Variants in ADAMTS16 observed in about 807,000 individuals in gnomAD.
The protein encoded by ADAMTS16 is ADAM metallopeptidase with thrombospondin type 1 motif 16, also known as A disintegrin and metalloproteinase with thrombospondin motifs 16.
Under a neutral mutation model 145.8 loss-of-function variants are expected in ADAMTS16, and 94 were observed. That is an observed-to-expected ratio of 0.64 (90% CI 0.55 to 0.77). The LOEUF (loss-of-function observed/expected upper bound fraction) is 0.77. ADAMTS16 is among the 30% of genes least tolerant of loss of function. ADAMTS16 has a pLI of 0.00. For synonymous variants in ADAMTS16, 659 were observed against 604.3 expected (o/e 1.09, Z -1.33); for missense variants, 1,585 against 1,591.5 (o/e 1.00, Z 0.07).
intron 21 of ADAMTS16, among the ~76,000 whole-genome samples, chr5:5,307,139 T>C (rs62340885): frequency 0.3 from 45,156 of 152,056 alleles, 6,913 homozygotes; most frequent in Middle Eastern, 0.37. Flanking sequence ...AGCAGCCTCA[T>C]GCCCACCATG....
At chr5:5,183,393 C>A (rs58839261) in intron 4 of ADAMTS16, among the ~76,000 whole-genome samples, 2,634 of 152,312 alleles carry the variant, frequency 0.017, 86 homozygotes, top group African/African-American at 0.059. Context: ...GACCCAGATG[C>A]GTGGCGGAGG....
chr5:5,267,939 G>A (rs1420729303), intron 18 of ADAMTS16, among the ~76,000 whole-genome samples: 1 of 152,146 alleles, frequency 6.6e-6, no homozygotes, highest in Non-Finnish European at 1.5e-5. Flanking sequence ...CCTGGCTCAC[G>A]TGGGACCTTA....
chr5:5,192,641 G>A (rs1314796801), intron 8 of ADAMTS16, among the ~76,000 whole-genome samples: 1 of 152,086 alleles, frequency 6.6e-6, no homozygotes, highest in Non-Finnish European at 1.5e-5. Flanking sequence ...CGAGCCTGGG[G>A]GCTCAACACA....
At chr5:5,147,158 A>G (rs116827563) in intron 3 of ADAMTS16, among the ~76,000 whole-genome samples, 3,611 of 152,278 alleles carry the variant, frequency 0.024, 120 homozygotes, top group African/African-American at 0.082. Context: ...CTTGCTTTTT[A>G]CTTAAAATAT....
intron 4 of ADAMTS16, among the ~76,000 whole-genome samples, chr5:5,183,437 A>C (rs1388573065): frequency 6.6e-6 from 1 of 152,252 alleles, no homozygotes; most frequent in African/African-American, 2.4e-5. Context: ...CTCTGCTGCC[A>C]GGGCTCACGG....
At chr5:5,296,957 G>C (rs568846605) in intron 18 of ADAMTS16, among the ~76,000 whole-genome samples, 1 of 152,236 alleles carries the variant, frequency 6.6e-6, no homozygotes, top group Non-Finnish European at 1.5e-5. Flanking sequence ...AGCGGCAAGG[G>C]AGAGGTGGCC....
rs1553985896 is a variant in ADAMTS16, at chr5:5,151,213, C to CTTT, written c.501+4759_501+4760insTTT. ...CATCATGGCTTCCTTTATTTCTTTTCTCTTATTTATTTATTTATTTATTTA... is the reference window on the plus strand; with the variant it reads ...CATCATGGCTTCCTTTATTTCTTTTCTTTTCTTATTTATTTATTTATTTATTTA... On this transcript the variant is annotated intron_variant, in intron 3 of 22. Transcript: ENST00000274181. Among the ~76,000 whole-genome samples the CTTT allele has an allele frequency of 2.1e-5, 3 of 143,624 alleles. No homozygotes were observed. In the East Asian group the frequency reaches 6.1e-4, roughly 29 times the overall value. 94.2% of individuals were successfully genotyped at this position (143,624 alleles called of 152,430 possible). A position where few individuals can be genotyped will look rare whatever the true frequency, so the allele number is the denominator to read the frequency against.
chr5:5,318,589 C>T (rs1167043923), intron 22 of ADAMTS16, among the ~76,000 whole-genome samples: 1 of 152,286 alleles, frequency 6.6e-6, no homozygotes, highest in East Asian at 1.9e-4. Flanking sequence ...ACAAAAGCCT[C>T]CCTTATTCAC....
chr5:5,288,005 T>C (rs2126483289), intron 18 of ADAMTS16, among the ~76,000 whole-genome samples: 1 of 152,226 alleles, frequency 6.6e-6, no homozygotes, highest in Non-Finnish European at 1.5e-5. Context: ...CATTTCTAAG[T>C]ATTAGTCTCA....
chr5:5,211,230 A>T (rs1402900732), intron 10 of ADAMTS16, among the ~76,000 whole-genome samples: 1 of 152,146 alleles, frequency 6.6e-6, no homozygotes, highest in Non-Finnish European at 1.5e-5. Context: ...TTTTGTAATT[A>T]CTGATTCAAC....
Position 5,314,986 on chromosome 5 carries a change from A to C in ADAMTS16, c.3412-3148A>C, listed in dbSNP as rs1733982118. On this transcript the variant is annotated intron_variant, in intron 21 of 22. Coordinates refer to ENST00000274181, the MANE Select transcript of ADAMTS16 (RefSeq NM_139056.4). Reference sequence around the variant, plus strand: ...TACTGGGGAGGTGGGCGATTGTATTAGCCCATTCTCACGCTGCTAATGAAG... The same window carrying C: ...TACTGGGGAGGTGGGCGATTGTATTCGCCCATTCTCACGCTGCTAATGAAG... Among the ~76,000 whole-genome samples, 3 of 152,250 alleles carry C rather than the reference A, an allele frequency of 2.0e-5. No individual in the cohort carries two copies. In the South Asian group the frequency reaches 6.2e-4, roughly 31 times the overall value.
intron 18 of ADAMTS16, among the ~76,000 whole-genome samples, chr5:5,272,415 G>A (rs1738517223): frequency 6.9e-6 from 1 of 145,020 alleles, no homozygotes; most frequent in Middle Eastern, 3.3e-3. Flanking sequence ...AGGCTGGAGT[G>A]CAGTGGCGCA....
chr5:5,239,715 C>G lies in ADAMTS16; in HGVS notation c.2313C>G (p.Ala771=), dbSNP rs1380766415. The G allele has an allele frequency of 2.5e-6, 4 of 1,614,074 alleles. No individual in the cohort carries two copies. Among genetic ancestry groups the G allele is most frequent in the Non-Finnish European group, 3.4e-6 (4 of 1,180,040 alleles). ...ACATGGTCACCATTCCTTCTGGAGC[C>G]CGGAGTATCCGCATCTATGAAATGA... ...YYHMVTIPSG[A]RSIRIYEMNV... The change falls in exon 16 of 23, where the codon GCC becomes GCG. Residue 771 remains alanine (A), a synonymous_variant. Transcript: ENST00000274181.
intron 3 of ADAMTS16, among the ~76,000 whole-genome samples, chr5:5,167,500 G>T (rs1434388803): frequency 6.6e-6 from 1 of 152,184 alleles, no homozygotes; most frequent in Admixed American, 6.5e-5. Context: ...GTTGTTCTTA[G>T]TTCAGATGTT....
intron 9 of ADAMTS16, among the ~76,000 whole-genome samples, chr5:5,207,715 T>A (rs1736166665): frequency 6.6e-6 from 1 of 151,698 alleles, no homozygotes; most frequent in African/African-American, 2.4e-5. Context: ...GCTGGGATTT[T>A]TTTTTTTTTA....
chr5:5,304,793 A>C (rs1407832980), intron 20 of ADAMTS16, among the ~76,000 whole-genome samples: 1 of 152,066 alleles, frequency 6.6e-6, no homozygotes, highest in African/African-American at 2.4e-5. Flanking sequence ...GGTAGGAATG[A>C]GTGTCCCACA....
intron 3 of ADAMTS16, among the ~76,000 whole-genome samples, chr5:5,161,091 A>G (rs1355022239): frequency 6.6e-6 from 1 of 152,222 alleles, no homozygotes; most frequent in Admixed American, 6.5e-5. Flanking sequence ...TTTTGTATGC[A>G]CATGGCATTA....
At chr5:5,306,849 G>A (rs1740187227) in intron 21 of ADAMTS16, 121 bp downstream of exon 21, 2 of 1,028,416 alleles carry the variant, frequency 1.9e-6, no homozygotes, top group African/African-American at 1.6e-5. Context: ...GCTACTGCAT[G>A]AGGTTTTCTT....
At chr5:5,251,130 T>C (rs905463057) in intron 17 of ADAMTS16, among the ~76,000 whole-genome samples, 1 of 152,178 alleles carries the variant, frequency 6.6e-6, no homozygotes, top group Non-Finnish European at 1.5e-5. Context: ...GCGAATGTCA[T>C]AAATAAATGG....
Sources: gnomAD v4.1 joint callset for allele counts (sites outside exome capture counted in the v4.1 genomes callset) on GRCh38, gnomAD v4.1.1 for gene constraint, MANE v1.5 for transcripts, NCBI Gene and HGNC (gene_info 2026-07-23, HGNC 2026-07-21) for gene names.